The following LRRC4C variants were observed in gnomAD, a reference collection of about 807,000 sequenced individuals.
LRRC4C encodes the protein leucine rich repeat containing 4C, also known as leucine-rich repeat-containing protein 4C.
In LRRC4C, 5 loss-of-function variants were observed where a neutral mutation model predicts 33.6. That is an observed-to-expected ratio of 0.15 (90% CI 0.08 to 0.31). The LOEUF is 0.31. Among genes scored for constraint, LRRC4C ranks in the 10% least tolerant of loss-of-function variants. The pLI, the probability that LRRC4C is intolerant of heterozygous loss-of-function variation, is 1.00. For missense variants in LRRC4C, 560 were observed against 796.7 expected (o/e 0.70, Z 3.58); for synonymous variants, 329 against 302.0 (o/e 1.09, Z -0.93).
At chr11:41,034,889 T>C (rs1240172971) in intron 1 of LRRC4C, among the ~76,000 whole-genome samples, 1 of 150,622 alleles carries the variant, frequency 6.6e-6, no homozygotes, top group Non-Finnish European at 1.5e-5. Flanking sequence ...TCATGTTTTA[T>C]TTTATACTAT....
chr11:40,233,778 TTTAA>T (rs1226474288), intron 5 of LRRC4C, among the ~76,000 whole-genome samples: 11 of 152,220 alleles, frequency 7.2e-5, no homozygotes, highest in African/African-American at 9.6e-5. Flanking sequence ...TTTTCATTAC[TTTAA>T]TTGTTAAAAC....
chr11:40,462,064 C>A (rs757434906), intron 3 of LRRC4C, among the ~76,000 whole-genome samples: 16 of 151,992 alleles, frequency 1.1e-4, no homozygotes, highest in Non-Finnish European at 1.9e-4. Flanking sequence ...AACAGGAAAT[C>A]TGTTCAATAT....
chr11:40,126,362 G>A (rs1273635222), intron 6 of LRRC4C, among the ~76,000 whole-genome samples: 1 of 152,066 alleles, frequency 6.6e-6, no homozygotes, highest in East Asian at 1.9e-4. Context: ...ATCATTAGGT[G>A]AGATGTTCTG....
intron 2 of LRRC4C, among the ~76,000 whole-genome samples, chr11:40,706,696 C>CT (rs1225772442): frequency 6.6e-6 from 1 of 152,136 alleles, no homozygotes; most frequent in Non-Finnish European, 1.5e-5. Context: ...AATGCAGGCT[C>CT]TTTTTTGATT....
chr11:40,635,168 T>G (rs1191575758), intron 3 of LRRC4C, among the ~76,000 whole-genome samples: 1 of 152,192 alleles, frequency 6.6e-6, no homozygotes, highest in Non-Finnish European at 1.5e-5. Flanking sequence ...CAGGTAATAT[T>G]TACCAGCCCT....
chr11:40,971,542 A>G (rs1851729628), intron 1 of LRRC4C, among the ~76,000 whole-genome samples: 2 of 152,192 alleles, frequency 1.3e-5, no homozygotes, highest in African/African-American at 2.4e-5. Context: ...TTGGGGGTGG[A>G]GTCCTCACAG....
intron 2 of LRRC4C, among the ~76,000 whole-genome samples, chr11:40,902,025 C>CAA (rs1352260856): frequency 6.6e-6 from 1 of 151,362 alleles, no homozygotes; most frequent in Non-Finnish European, 1.5e-5. Flanking sequence ...CACACACACA[C>CAA]ACACACACAC....
chr11:40,305,658 T>C (rs926605094), intron 4 of LRRC4C, among the ~76,000 whole-genome samples: 1 of 151,596 alleles, frequency 6.6e-6, no homozygotes, highest in African/African-American at 2.4e-5. Flanking sequence ...TAGCCATACA[T>C]AGACAACATT....
intron 1 of LRRC4C, among the ~76,000 whole-genome samples, chr11:41,062,137 T>C (rs939886011): frequency 1.3e-5 from 2 of 152,252 alleles, no homozygotes; most frequent in African/African-American, 4.8e-5. Flanking sequence ...AGTGTGAGTT[T>C]GTTACATAGG....
chr11:40,810,875 A>G (rs1951461138), intron 2 of LRRC4C, among the ~76,000 whole-genome samples: 1 of 152,196 alleles, frequency 6.6e-6, no homozygotes, highest in South Asian at 2.1e-4. Flanking sequence ...TTTACAGTCC[A>G]GAATACTTTT....
At chr11:40,572,140 T>A (rs1958006765) in intron 3 of LRRC4C, among the ~76,000 whole-genome samples, 1 of 152,188 alleles carries the variant, frequency 6.6e-6, no homozygotes, top group Non-Finnish European at 1.5e-5. Flanking sequence ...GAACAAACAG[T>A]CATTTTGTTC....
At chr11:41,004,605 C>G (rs545223340) in intron 1 of LRRC4C, among the ~76,000 whole-genome samples, 3 of 152,254 alleles carry the variant, frequency 2.0e-5, no homozygotes, top group East Asian at 3.9e-4. Flanking sequence ...ATGCTCTATG[C>G]TTTATTCAAT....
At chr11:40,501,308 C>G (rs1252009476) in intron 3 of LRRC4C, among the ~76,000 whole-genome samples, 1 of 152,156 alleles carries the variant, frequency 6.6e-6, no homozygotes, top group Non-Finnish European at 1.5e-5. Flanking sequence ...GCCTGGAGGA[C>G]AGTGGCTCCC....
intron 1 of LRRC4C, among the ~76,000 whole-genome samples, chr11:41,118,557 C>T (rs1476009778): frequency 6.6e-6 from 1 of 152,174 alleles, no homozygotes; most frequent in Admixed American, 6.5e-5. Context: ...TCTATCAACC[C>T]TAAATTTCCC....
At chr11:41,036,950 A>G (rs1417977891) in intron 1 of LRRC4C, among the ~76,000 whole-genome samples, 1 of 152,212 alleles carries the variant, frequency 6.6e-6, no homozygotes, top group Non-Finnish European at 1.5e-5. Flanking sequence ...TACAATTTAT[A>G]GACTTATAAG....
chr11:41,421,060 C>T (rs1173223992), intron 1 of LRRC4C, among the ~76,000 whole-genome samples: 1 of 151,758 alleles, frequency 6.6e-6, no homozygotes, highest in Non-Finnish European at 1.5e-5. Context: ...GTTTCTTTAC[C>T]TCTCTGTGCC....
At chr11:41,001,710 A>C (rs535870576) in intron 1 of LRRC4C, among the ~76,000 whole-genome samples, 55 of 152,298 alleles carry the variant, frequency 3.6e-4, no homozygotes, top group African/African-American at 1.3e-3. Flanking sequence ...AATTTCTGGA[A>C]AAGACCTCGT....
chr11:41,014,414 A>T (rs1855431373), intron 1 of LRRC4C, among the ~76,000 whole-genome samples: 1 of 152,000 alleles, frequency 6.6e-6, no homozygotes, highest in Non-Finnish European at 1.5e-5. Context: ...CTAAAATAGG[A>T]AGCAATAAAT....
In LRRC4C at chr11:40,826,612, C is replaced by T. The variant is rs140353274; in HGVS notation, c.-407+107023G>A. 7.5e-3 allele frequency among the ~76,000 whole-genome samples: 1,138 copies of T among 151,946 alleles called. 13 individuals are homozygous for T. The highest frequency in any genetic ancestry group is 0.026 in the African/African-American group (1,084 of 41,472). ...TCAGCTGGTCAACTAAAATGAGACA[C>T]TAGGAAGGGTAGAATTAAGTTTATT... On this transcript the variant is annotated intron_variant, in intron 2 of 6. Coordinates refer to ENST00000528697, the MANE Select transcript of LRRC4C (RefSeq NM_001258419.2).
Sources: gnomAD v4.1 joint callset for allele counts (sites outside exome capture counted in the v4.1 genomes callset) on GRCh38, gnomAD v4.1.1 for gene constraint, MANE v1.5 for transcripts, NCBI Gene and HGNC (gene_info 2026-07-23, HGNC 2026-07-21) for gene names.